The following UBE2O variants were observed in gnomAD, a reference collection of about 807,000 sequenced individuals.
UBE2O encodes ubiquitin conjugating enzyme E2 O.
Under a neutral mutation model 125.8 loss-of-function variants are expected in UBE2O, and 15 were observed. The ratio of observed to expected loss-of-function variants is 0.12; its 90% CI spans 0.08 to 0.18. The LOEUF is 0.18. UBE2O is among the 10% of genes least tolerant of loss of function. The pLI is 1.00. For synonymous variants in UBE2O, 708 were observed against 703.2 expected (o/e 1.01, Z -0.11); for missense variants, 1,280 against 1,723.6 (o/e 0.74, Z 4.56).
intron 1 of UBE2O, among the ~76,000 whole-genome samples, chr17:76,425,225 C>CAAAAAAAAAA (rs58377572): frequency 1.1e-5 from 1 of 95,076 alleles, no homozygotes; most frequent in African/African-American, 3.5e-5. Context: ...GTCCTTTCGA[C>CAAAAAAAAAA]AAAAAAAAAA....
rs1489376809 is a variant in UBE2O, at chr17:76,433,285, C to T, written c.417+19440G>A. ...AATAAAAACAAATGAAGTACTGATA[C>T]ATGCTACAACATGGATGAACCTTGA... On this transcript the variant is annotated intron_variant, in intron 1 of 17. Transcript: ENST00000319380. Among the ~76,000 whole-genome samples the T allele has an allele frequency of 2.0e-5, 3 of 150,440 alleles. No homozygotes were observed. In the East Asian group the frequency reaches 5.8e-4, roughly 29 times the overall value.
intron 1 of UBE2O, among the ~76,000 whole-genome samples, chr17:76,415,053 C>G (rs535038157): frequency 6.6e-6 from 1 of 152,310 alleles, no homozygotes; most frequent in East Asian, 1.9e-4. Flanking sequence ...GTATCACTAC[C>G]TAACCAGTGG....
intron 1 of UBE2O, among the ~76,000 whole-genome samples, chr17:76,418,174 T>G (rs1479294628): frequency 6.6e-6 from 1 of 152,332 alleles, no homozygotes; most frequent in Middle Eastern, 3.4e-3. Context: ...CACCAACATG[T>G]GAGACCTGGA....
At position 76,401,622 on chromosome 17, in the gene UBE2O, T is replaced by C. The variant is rs527440733; in HGVS notation, c.750+442A>G. On this transcript the variant is annotated intron_variant, in intron 5 of 17. Coordinates refer to ENST00000319380, the MANE Select transcript of UBE2O (RefSeq NM_022066.4). ...TGCCGGGCGCGGTGGCTCACGCCTGTAATCCCAGCACTTTGGGAGGCTGTG... is the reference window on the plus strand; with the variant it reads ...TGCCGGGCGCGGTGGCTCACGCCTGCAATCCCAGCACTTTGGGAGGCTGTG... 20 of 170,708 alleles carry C rather than the reference T, an allele frequency of 1.2e-4. No individual in the cohort carries two copies. The East Asian group carries it at 2.7e-3, about 23-fold the overall frequency. The allele number at this position is 170,708 out of a possible 1,614,324, so 10.6% of individuals were successfully genotyped here. A position where few individuals can be genotyped will look rare whatever the true frequency, so the allele number is the denominator to read the frequency against.
chr17:76,450,853 T>C (rs2073228717), intron 1 of UBE2O, among the ~76,000 whole-genome samples: 2 of 152,206 alleles, frequency 1.3e-5, no homozygotes, highest in Admixed American at 1.3e-4. Flanking sequence ...ACTCCTGACC[T>C]CAGGTGATCC....
chr17:76,445,952 A>T (rs888859956), intron 1 of UBE2O, among the ~76,000 whole-genome samples: 1 of 152,172 alleles, frequency 6.6e-6, no homozygotes, highest in African/African-American at 2.4e-5. Flanking sequence ...CAGGACTGGC[A>T]CCCATTCATG....
rs2073253823 is a variant in UBE2O, at chr17:76,452,029, T to A, written c.417+696A>T. 6.6e-6 allele frequency among the ~76,000 whole-genome samples: 1 copy of A among 152,088 alleles called. No homozygotes were observed. Among genetic ancestry groups the A allele is most frequent in the Non-Finnish European group, 1.5e-5 (1 of 68,034 alleles). ...ACTCCCCTCTACCCAGGGTTCTGGA[T>A]TATTTTTTTCAAGGAGTCCATATGC... On this transcript the variant is annotated intron_variant, in intron 1 of 17. Transcript: ENST00000319380. The surrounding 1 kb of genome is among the most constrained non-coding windows in gnomAD (Gnocchi z 4.4).
At chr17:76,444,058 T>C (rs2073117247) in intron 1 of UBE2O, among the ~76,000 whole-genome samples, 1 of 151,882 alleles carries the variant, frequency 6.6e-6, no homozygotes, top group South Asian at 2.1e-4. Flanking sequence ...CCGTCTCTGC[T>C]AAAAAGACAA....
At chr17:76,433,075 C>T (rs1267859922) in intron 1 of UBE2O, among the ~76,000 whole-genome samples, 1 of 152,136 alleles carries the variant, frequency 6.6e-6, no homozygotes, top group African/African-American at 2.4e-5. Flanking sequence ...CCAACAACTC[C>T]TCTCCTGGGT....
In UBE2O at chr17:76,400,530, T is replaced by G. The variant is rs201376977; in HGVS notation, c.915A>C (p.Lys305Asn). 6.2e-6 allele frequency: 10 copies of G among 1,613,020 alleles called. No individual in the cohort carries two copies. Among genetic ancestry groups the G allele is most frequent in the Non-Finnish European group, 8.5e-6 (10 of 1,179,632 alleles). The change falls in exon 7 of 18, where the codon AAA (lysine) becomes AAC (asparagine). Residue 305 changes from lysine to asparagine, a missense_variant. Physicochemically the swap from Lys to Asn is moderately conservative, Grantham distance 94. Transcript: ENST00000319380. The surrounding 1 kb of genome is among the most constrained non-coding windows in gnomAD (Gnocchi z 4.3). ...AGAAACTCTTGGTAATCCATGTAAC[T>G]TTCAACTCTACAACCTGCACCTGGG... ...VVEEVQVVEL[K>N]VTWITKSFCP...
chr17:76,394,011 G>C (rs1018852467), intron 15 of UBE2O, among the ~76,000 whole-genome samples: 1 of 152,226 alleles, frequency 6.6e-6, no homozygotes, highest in Non-Finnish European at 1.5e-5. Flanking sequence ...CCTCAGCAGA[G>C]CTGAGACAGG....
In UBE2O at chr17:76,404,842, C is replaced by T. The variant is rs1279528582; in HGVS notation, c.588+364G>A. Among the ~76,000 whole-genome samples, 1 of 151,894 alleles carries T rather than the reference C, an allele frequency of 6.6e-6. No individual in the cohort carries two copies. The highest frequency in any genetic ancestry group is 6.6e-5 in the Admixed American group (1 of 15,256). On this transcript the variant is annotated intron_variant, in intron 3 of 17. Transcript: ENST00000319380. The surrounding 1 kb of genome is among the most constrained non-coding windows in gnomAD (Gnocchi z 4.3). ...AGTGAAATCTTAACAGCTGAGGAAC[C>T]TGGATGGAGGGACACAGGAATTTAC...
chr17:76,430,564 C>A, intron 1 of UBE2O: 1 of 263,522 alleles, frequency 3.8e-6, no homozygotes, highest in Non-Finnish European at 7.8e-6. Flanking sequence ...TGAATCAGAT[C>A]CTCGATGCAG....
At position 76,395,865 on chromosome 17, in the gene UBE2O, GA is replaced by G. The variant is rs1567830775; in HGVS notation, c.2810-5del. 3.1e-6 allele frequency: 5 copies of G among 1,614,146 alleles called. No individual in the cohort carries two copies. The highest frequency in any genetic ancestry group is 1.1e-5 in the South Asian group (1 of 91,088). On this transcript the variant is annotated splice_polypyrimidine_tract_variant and splice_region_variant and intron_variant, in intron 14 of 17. Transcript: ENST00000319380. The surrounding 1 kb of genome is among the most constrained non-coding windows in gnomAD (Gnocchi z 5.0). ...ATTTTCTTAAAAGAATGATTTGCTA[GA>G]GGGGGGAAGAGAATAGTCAGTCCCT...
intron 1 of UBE2O, among the ~76,000 whole-genome samples, chr17:76,407,749 T>C (rs2072449417): frequency 6.6e-6 from 1 of 152,222 alleles, no homozygotes; most frequent in African/African-American, 2.4e-5. Context: ...GGCCAGAGGC[T>C]GGCAGGGCAG....
intron 1 of UBE2O, among the ~76,000 whole-genome samples, chr17:76,423,249 C>G (rs1211778213): frequency 6.6e-6 from 1 of 152,076 alleles, no homozygotes; most frequent in Non-Finnish European, 1.5e-5. Flanking sequence ...CACGGTGGTA[C>G]GCACCTGGAG....
rs767914392 is a variant in UBE2O at position 76,391,733 on chromosome 17, C to A, written c.3208+23G>T. ...CTCCACCGGCCCTCCCTTGTCCGCA[C>A]CCCCGCTTCAGCCCAACTGTACCTT... is the stretch of plus-strand genomic sequence containing the variant. On this transcript the variant is annotated intron_variant, in intron 17 of 17. Transcript: ENST00000319380. This position sits in a 1 kb window ranked among gnomAD's most constrained non-coding sequence, Gnocchi z 8.4. The A allele has an allele frequency of 2.5e-6, 4 of 1,613,650 alleles. No homozygotes were observed. The Admixed American group carries it at 6.7e-5, about 27-fold the overall frequency.
chr17:76,403,224 G>A (rs893133879), intron 3 of UBE2O, among the ~76,000 whole-genome samples: 7 of 151,098 alleles, frequency 4.6e-5, no homozygotes, highest in Non-Finnish European at 1.0e-4. Flanking sequence ...GAGGTGTTTA[G>A]GTGGAAGTGG....
chr17:76,450,309 C>G (rs542473534), intron 1 of UBE2O, among the ~76,000 whole-genome samples: 1 of 152,190 alleles, frequency 6.6e-6, no homozygotes, highest in Admixed American at 6.5e-5. Context: ...AGTAACAGAC[C>G]AGGAGACATT....
Sources: gnomAD v4.1 joint callset for allele counts (sites outside exome capture counted in the v4.1 genomes callset) on GRCh38, gnomAD v4.1.1 for gene constraint, Gnocchi (gnomAD v3.1) non-coding constraint, MANE v1.5 for transcripts, NCBI Gene and HGNC (gene_info 2026-07-23, HGNC 2026-07-21) for gene names.